HDAC2: variants seen among roughly 807,000 people sequenced by gnomAD.
HDAC2 encodes the protein YY1-associated factor 1.
A neutral mutation model predicts 68.5 loss-of-function variants in HDAC2; 5 were observed. The ratio of observed to expected loss-of-function variants is 0.07; its 90% CI spans 0.04 to 0.15. HDAC2 has a LOEUF of 0.15. HDAC2 is among the 10% of genes least tolerant of loss of function. The pLI, the probability that HDAC2 is intolerant of heterozygous loss-of-function variation, is 1.00. For synonymous variants in HDAC2, 182 were observed against 191.3 expected, an observed-to-expected ratio of 0.95 and a Z score of 0.40; for missense variants, 291 against 600.8, an observed-to-expected ratio of 0.48 and a Z score of 5.39.
At chr6:113,941,649 T>C in intron 13 of HDAC2, 59 bp downstream of exon 13, 1 of 657,830 alleles carries the variant, frequency 1.5e-6, no homozygotes, top group Non-Finnish European at 2.6e-6. Flanking sequence ...CACACACCAA[T>C]AAACATGTTT....
At chr6:113,953,205 T>TACTTCA in intron 6 of HDAC2, 72 bp downstream of exon 6, 1 of 1,043,594 alleles carries the variant, frequency 9.6e-7, no homozygotes, top group African/African-American at 1.6e-5. Flanking sequence ...AGAAAAATAC[T>TACTTCA]ACTTCAAGTA....
intron 1 of HDAC2, among the ~76,000 whole-genome samples, chr6:113,963,281 TCC>T (rs1776733941): frequency 6.6e-6 from 1 of 151,844 alleles, no homozygotes; most frequent in Admixed American, 6.6e-5. Context: ...ACGGGGTATC[TCC>T]ATATTTGCCA....
In HDAC2 at chr6:113,935,717, CAATCTT is replaced by C. The variant is rs1775986473; in HGVS notation, c.*5335_*5340del. Reference sequence around the variant, plus strand: ...ATTTCTTTAACATTTAGAGTAAAAACAATCTTAATAAAAAGAGCAAATAACAGAATC... The same window carrying C: ...ATTTCTTTAACATTTAGAGTAAAAACAATAAAAAGAGCAAATAACAGAATC... On this transcript the variant is annotated 3_prime_UTR_variant, in exon 14 of 14. Coordinates refer to ENST00000519065, the MANE Select transcript of HDAC2 (RefSeq NM_001527.4). 2 of 152,110 alleles carry C rather than the reference CAATCTT, an allele frequency of 1.3e-5. No individual in the cohort carries two copies. The highest frequency in any genetic ancestry group is 4.1e-4 in the South Asian group (2 of 4,828). The allele number at this position is 152,110 out of a possible 1,614,324, so 9.4% of individuals were successfully genotyped here.
At chr6:113,970,453 A>C in intron 1 of HDAC2, 6 of 1,049,558 alleles carry the variant, frequency 5.7e-6, no homozygotes, top group Non-Finnish European at 3.4e-6. Context: ...TCGAGGGGGT[A>C]GGAGGCCGAC....
intron 6 of HDAC2, among the ~76,000 whole-genome samples, chr6:113,949,685 T>C (rs1299033140): frequency 2.6e-5 from 4 of 152,186 alleles, no homozygotes; most frequent in African/African-American, 7.2e-5. Flanking sequence ...AGAATCCTTC[T>C]TGTGGTTCAC....
At chr6:113,966,810 G>T (rs951567644) in intron 1 of HDAC2, among the ~76,000 whole-genome samples, 4 of 152,154 alleles carry the variant, frequency 2.6e-5, no homozygotes, top group African/African-American at 9.7e-5. Flanking sequence ...TGAAAGAAAA[G>T]AGAGGCAAAA....
rs762354464 is a variant in HDAC2, at chr6:113,941,739, C to A, written c.1405G>T (p.Asp469Tyr). 6.9e-7 allele frequency: 1 copy of A among 1,452,348 alleles called. No homozygotes were observed. Among genetic ancestry groups the A allele is most frequent in the Non-Finnish European group, 9.4e-7 (1 of 1,064,496 alleles). 90.0% of individuals were successfully genotyped at this position (1,452,348 alleles called of 1,614,324 possible). A position where few individuals can be genotyped will look rare whatever the true frequency, so the allele number is the denominator to read the frequency against. Residue 469 changes from aspartate to tyrosine, a missense_variant, in exon 13 of 14, where the codon GAC (aspartate) becomes TAC (tyrosine). Asp to Tyr is a radical substitution (Grantham distance 160). This residue lies in a region of HDAC2 where 137 missense variants were observed against 128.7 expected (regional missense o/e 1.06). Transcript: ENST00000519065. ...GTATCTGTTTTTTCACCACTGTTGTCCTTGGATTTATCTTCTTCCTTAACG... is the reference window on the plus strand; with the variant it reads ...GTATCTGTTTTTTCACCACTGTTGTACTTGGATTTATCTTCTTCCTTAACG... ...TDVKEEDKSK[D>Y]NSGEKTDTKG...
chr6:113,950,291 C>T (rs919885178), intron 6 of HDAC2, among the ~76,000 whole-genome samples: 5 of 151,926 alleles, frequency 3.3e-5, no homozygotes, highest in Non-Finnish European at 7.4e-5. Context: ...TGTGTGTATA[C>T]GTATTCCTAG....
intron 8 of HDAC2, 40 bp downstream of exon 8, chr6:113,948,939 A>G: frequency 1.2e-6 from 2 of 1,600,674 alleles, no homozygotes; most frequent in Non-Finnish European, 1.7e-6. Context: ...TGGAAGAAAA[A>G]CCATTTTTTT....
chr6:113,958,201 C>T (rs940058463), intron 3 of HDAC2, among the ~76,000 whole-genome samples: 2 of 152,126 alleles, frequency 1.3e-5, no homozygotes, highest in South Asian at 2.1e-4. Context: ...GAGAACATTA[C>T]GTAGAATCAA....
chr6:113,933,992 T>C lies in HDAC2; in HGVS notation c.*7066A>G, dbSNP rs1469355310. ...TCTGACTTTGATTTTTTTTTAATAG[T>C]AATGTTTGGTACAATCAACTGACTT... On this transcript the variant is annotated 3_prime_UTR_variant, in exon 14 of 14. Coordinates refer to ENST00000519065, the MANE Select transcript of HDAC2 (RefSeq NM_001527.4). The C allele has an allele frequency of 6.6e-6, 1 of 152,062 alleles. No homozygotes were observed. Among genetic ancestry groups the C allele is most frequent in the African/African-American group, 2.4e-5 (1 of 41,388 alleles). 9.4% of individuals were successfully genotyped at this position (152,062 alleles called of 1,614,324 possible). A position where few individuals can be genotyped will look rare whatever the true frequency, so the allele number is the denominator to read the frequency against.
rs1775963230 is a variant in HDAC2, at chr6:113,934,618, A to G, written c.*6440T>C. The G allele has an allele frequency of 6.6e-6, 1 of 152,230 alleles. No homozygotes were observed. Among genetic ancestry groups the G allele is most frequent in the South Asian group, 2.1e-4 (1 of 4,828 alleles). 9.4% of individuals were successfully genotyped at this position (152,230 alleles called of 1,614,324 possible). On this transcript the variant is annotated 3_prime_UTR_variant, in exon 14 of 14. Transcript: ENST00000519065. ...CACCATAGTCACAAACAGACTGGAA[A>G]TAAGATAGATTTACAGAATTTTCTG...
chr6:113,951,049 T>C (rs1776402022), intron 6 of HDAC2, among the ~76,000 whole-genome samples: 1 of 152,208 alleles, frequency 6.6e-6, no homozygotes, highest in East Asian at 1.9e-4. Context: ...GAAATATATT[T>C]TGACCCTAAG....
chr6:113,970,268 C>A (rs1239168430), intron 1 of HDAC2: 8 of 185,608 alleles, frequency 4.3e-5, no homozygotes, highest in Non-Finnish European at 7.1e-5. Context: ...GAGGAGGGGT[C>A]CGGGGAAAGG....
chr6:113,966,106 G>T (rs1200043277), intron 1 of HDAC2, among the ~76,000 whole-genome samples: 1 of 152,190 alleles, frequency 6.6e-6, no homozygotes, highest in Non-Finnish European at 1.5e-5. Context: ...TGTGGAAAAG[G>T]AAAAGTGGTA....
At chr6:113,968,697 C>T (rs1776888524) in intron 1 of HDAC2, 1 of 152,134 alleles carries the variant, frequency 6.6e-6, no homozygotes, top group Non-Finnish European at 1.5e-5. Context: ...GGTGAATGGG[C>T]TACAATAAAG....
rs1278936747 is a variant in HDAC2, at chr6:113,956,198, AAGT to A, written c.359-50_359-48del. The A allele has an allele frequency of 2.0e-6, 3 of 1,505,944 alleles. No individual in the cohort carries two copies. The African/African-American group carries it at 4.2e-5, about 21-fold the overall frequency. 93.3% of individuals were successfully genotyped at this position (1,505,944 alleles called of 1,614,324 possible). A position where few individuals can be genotyped will look rare whatever the true frequency, so the allele number is the denominator to read the frequency against. On this transcript the variant is annotated intron_variant, in intron 4 of 13. Transcript: ENST00000519065. ...GACCTTTTAAACATTTATCATAAAA[AAGT>A]AGTAGAATGAGACAAAAACACTACA...
At chr6:113,970,645 G>A in intron 1 of HDAC2, 2 of 1,348,738 alleles carry the variant, frequency 1.5e-6, no homozygotes, top group South Asian at 1.9e-5. Flanking sequence ...AGACGGGCGG[G>A]CCCCCTGATT....
intron 5 of HDAC2, 44 bp downstream of exon 5, chr6:113,955,969 A>G (rs1562146010): frequency 1.4e-6 from 2 of 1,442,550 alleles, no homozygotes. Flanking sequence ...GTTTTAATGA[A>G]AACACTTTAT....
Sources: allele counts gnomAD v4.1 joint callset (sites outside exome capture counted in the v4.1 genomes callset), GRCh38; gene constraint gnomAD v4.1.1; regional missense constraint gnomAD v4.1.1; transcripts MANE v1.5; gene names NCBI Gene and HGNC (gene_info 2026-07-23, HGNC 2026-07-21).